ULK4: variants seen among roughly 807,000 people sequenced by gnomAD.
ULK4 encodes the protein inactive serine/threonine-protein kinase ULK4.
A neutral mutation model predicts 160.6 loss-of-function variants in ULK4; 133 were observed. The observed-to-expected ratio is 0.83, with a 90% CI of 0.72 to 0.96. ULK4 has a LOEUF of 0.96. Among genes scored for constraint, ULK4 ranks in the 40% least tolerant of loss-of-function variants. The pLI, the probability that ULK4 is intolerant of heterozygous loss-of-function variation, is 0.00. For synonymous variants in ULK4, 534 were observed against 539.8 expected, an observed-to-expected ratio of 0.99 and a Z score of 0.15; for missense variants, 1,580 against 1,499.5, an observed-to-expected ratio of 1.05 and a Z score of -0.89.
intron 30 of ULK4, among the ~76,000 whole-genome samples, chr3:41,616,210 C>G (rs2032953644): frequency 6.6e-6 from 1 of 152,120 alleles, no homozygotes; most frequent in Non-Finnish European, 1.5e-5. Context: ...GGCACTTTCC[C>G]TCATCAAATC....
chr3:41,402,836 G>A (rs1303605513), intron 34 of ULK4, among the ~76,000 whole-genome samples: 2 of 152,048 alleles, frequency 1.3e-5, no homozygotes, highest in East Asian at 3.9e-4. Flanking sequence ...TTTAGTATCA[G>A]GGTAATATCA....
intron 18 of ULK4, among the ~76,000 whole-genome samples, chr3:41,832,239 G>A (rs2041616685): frequency 6.6e-6 from 1 of 152,122 alleles, no homozygotes; most frequent in Non-Finnish European, 1.5e-5. Context: ...CATTCTGACT[G>A]GTGTGAGACG....
At chr3:41,350,407 T>C (rs1040738662) in intron 35 of ULK4, among the ~76,000 whole-genome samples, 1 of 152,216 alleles carries the variant, frequency 6.6e-6, no homozygotes, top group South Asian at 2.1e-4. Flanking sequence ...ACAGAAATAA[T>C]CTTTATAAAG....
At chr3:41,898,180 T>C (rs1408286340) in intron 14 of ULK4, among the ~76,000 whole-genome samples, 1 of 152,092 alleles carries the variant, frequency 6.6e-6, no homozygotes. Flanking sequence ...ACAGGAAAAC[T>C]TGCCCAGATC....
intron 17 of ULK4, among the ~76,000 whole-genome samples, chr3:41,870,946 C>T (rs1233510078): frequency 1.3e-5 from 2 of 152,152 alleles, no homozygotes; most frequent in South Asian, 2.1e-4. Context: ...TTCCCTCATG[C>T]TATTCTCATA....
chr3:41,586,203 T>G (rs2030788721), intron 31 of ULK4, among the ~76,000 whole-genome samples: 2 of 152,200 alleles, frequency 1.3e-5, no homozygotes, highest in African/African-American at 2.4e-5. Context: ...CCCATTCATG[T>G]TCACTGCTGC....
intron 34 of ULK4, among the ~76,000 whole-genome samples, chr3:41,415,821 CTGTCT>C (rs2082513834): frequency 6.6e-6 from 1 of 152,158 alleles, no homozygotes; most frequent in Non-Finnish European, 1.5e-5. Flanking sequence ...GACTCTCCGC[CTGTCT>C]TATGTACCTG....
At position 41,443,987 on chromosome 3, in the gene ULK4, A is replaced by C. The variant is rs192099396; in HGVS notation, c.3492+11510T>G. ...ATAGATTAACAAAGTTTTCAGTACT[A>C]AAAATAATGCTGTAAAGTATATCTG... On this transcript the variant is annotated intron_variant, in intron 34 of 36. Transcript: ENST00000301831. Among the ~76,000 whole-genome samples, 631 of 152,216 alleles carry C rather than the reference A, an allele frequency of 4.1e-3. 4 individuals carry two copies. Among genetic ancestry groups the C allele is most frequent in the African/African-American group, 0.015 (604 of 41,562 alleles).
At chr3:41,907,753 G>A (rs1698623037) in intron 12 of ULK4, 92 bp downstream of exon 12, 1 of 762,400 alleles carries the variant, frequency 1.3e-6, no homozygotes, top group Admixed American at 3.6e-5. Flanking sequence ...TGTAAATTTT[G>A]TAATTATTAA....
chr3:41,300,191 G>T (rs1323509924), intron 35 of ULK4, among the ~76,000 whole-genome samples: 1 of 152,150 alleles, frequency 6.6e-6, no homozygotes, highest in Non-Finnish European at 1.5e-5. Context: ...ATAAAATCCT[G>T]GAGGAACCAT....
At chr3:41,584,324 C>A (rs1403005878) in intron 31 of ULK4, among the ~76,000 whole-genome samples, 2 of 152,160 alleles carry the variant, frequency 1.3e-5, no homozygotes, top group Non-Finnish European at 2.9e-5. Flanking sequence ...AAGAGTCTCA[C>A]TCTGTCACCC....
intron 35 of ULK4, among the ~76,000 whole-genome samples, chr3:41,308,952 C>A (rs551605613): frequency 1.1e-4 from 16 of 152,236 alleles, no homozygotes; most frequent in African/African-American, 2.9e-4. Context: ...ATCCAACATT[C>A]ATTGAATAAA....
intron 31 of ULK4, among the ~76,000 whole-genome samples, chr3:41,609,764 G>C (rs539139638): frequency 1.3e-5 from 2 of 152,164 alleles, no homozygotes; most frequent in Admixed American, 6.5e-5. Flanking sequence ...TTGAGGTCAG[G>C]AATTTTAGAC....
chr3:41,581,571 T>A (rs896091628), intron 31 of ULK4, among the ~76,000 whole-genome samples: 2 of 152,104 alleles, frequency 1.3e-5, no homozygotes, highest in Non-Finnish European at 2.9e-5. Context: ...TTAAAAAAAA[T>A]AATCTCCACT....
chr3:41,882,806 A>T (rs1314150038), intron 17 of ULK4, among the ~76,000 whole-genome samples: 3 of 152,092 alleles, frequency 2.0e-5, no homozygotes, highest in Non-Finnish European at 4.4e-5. Context: ...ATCTCACTGG[A>T]GACCTTTTGC....
intron 34 of ULK4, among the ~76,000 whole-genome samples, chr3:41,454,400 C>T (rs550274396): frequency 1.3e-5 from 2 of 150,610 alleles, no homozygotes; most frequent in Admixed American, 6.6e-5. Context: ...ATTAGCTGGG[C>T]GTGGTGGTGG....
intron 27 of ULK4, among the ~76,000 whole-genome samples, chr3:41,703,377 T>A (rs969485150): frequency 4.6e-5 from 7 of 151,940 alleles, no homozygotes; most frequent in Non-Finnish European, 1.0e-4. Context: ...GAAATCAATA[T>A]ACAAAGATAA....
At chr3:41,842,313 GAAAAAAGA>G (rs903950131) in intron 17 of ULK4, among the ~76,000 whole-genome samples, 1 of 151,516 alleles carries the variant, frequency 6.6e-6, no homozygotes, top group African/African-American at 2.4e-5. Flanking sequence ...TATAAAAAGG[GAAAAAAGA>G]AAAAAAATGG....
rs970461208 is a variant in ULK4, at chr3:41,365,551, A to C, written c.3678+32528T>G. Among the ~76,000 whole-genome samples the C allele has an allele frequency of 2.6e-5, 4 of 152,358 alleles. No homozygotes were observed. In the East Asian group the frequency reaches 5.8e-4, roughly 22 times the overall value. On this transcript the variant is annotated intron_variant, in intron 35 of 36. Coordinates refer to ENST00000301831, the MANE Select transcript of ULK4 (RefSeq NM_017886.4). ...CTTATGCTCCAGGCACATGCTAAGC[A>C]CTTTGCTTACACTATATCTCATTTA...
Sources: gnomAD v4.1 joint callset for allele counts (sites outside exome capture counted in the v4.1 genomes callset) on GRCh38, gnomAD v4.1.1 for gene constraint, MANE v1.5 for transcripts, NCBI Gene and HGNC (gene_info 2026-07-23, HGNC 2026-07-21) for gene names.